The following COG7 variants were observed in gnomAD, a reference collection of about 807,000 sequenced individuals.
The protein encoded by COG7 is component of oligomeric golgi complex 7.
Under a neutral mutation model 91.5 loss-of-function variants are expected in COG7, and 49 were observed. That is an observed-to-expected ratio of 0.54 (90% confidence interval 0.43 to 0.68). The LOEUF (loss-of-function observed/expected upper bound fraction) is 0.68. Ranked by LOEUF, COG7 falls within the 30% of genes least tolerant of loss-of-function variation. COG7 has a pLI of 0.00. For missense variants in COG7, 895 were observed against 961.3 expected (o/e 0.93, Z 0.91); for synonymous variants, 365 against 388.7 (o/e 0.94, Z 0.72).
At position 23,424,831 on chromosome 16, in the gene COG7, C is replaced by T; in HGVS notation, c.927G>A (p.Gln309=). The T allele has an allele frequency of 6.2e-7, 1 of 1,614,234 alleles. No homozygotes were observed. Among genetic ancestry groups the T allele is most frequent in the Non-Finnish European group, 8.5e-7 (1 of 1,180,048 alleles). The change falls in exon 7 of 17, where the codon CAG becomes CAA. Residue 309 remains glutamine (Q), a synonymous_variant. Transcript: ENST00000307149. ...SNGVERAGPE[Q]ELTRLLEFYD... ...AGAACTCCAGCAGCCTGGTGAGCTC[C>T]TGCTCGGGCCCTGCCCTCTCCACGC...
At chr16:23,407,041 G>T (rs1188328788) in intron 11 of COG7, among the ~76,000 whole-genome samples, 2 of 152,160 alleles carry the variant, frequency 1.3e-5, no homozygotes, top group African/African-American at 4.8e-5. Flanking sequence ...CCCAAATGTG[G>T]CTAATTCCCT....
intron 16 of COG7, chr16:23,392,123 T>C: frequency 2.9e-6 from 4 of 1,374,304 alleles, no homozygotes; most frequent in South Asian, 1.5e-5. Context: ...CGCTGAATCT[T>C]ATCTCACTGA....
chr16:23,434,954 TG>T (rs777363957), intron 4 of COG7, among the ~76,000 whole-genome samples: 10 of 152,220 alleles, frequency 6.6e-5, no homozygotes, highest in Non-Finnish European at 1.5e-4. Context: ...AACATGATAC[TG>T]AGAGGTTATT....
chr16:23,419,222 A>G (rs1412092673), intron 7 of COG7, among the ~76,000 whole-genome samples: 2 of 152,102 alleles, frequency 1.3e-5, no homozygotes, highest in Non-Finnish European at 2.9e-5. Context: ...CTTGACCAAC[A>G]TGGAGAAACC....
Position 23,410,275 on chromosome 16 carries a change from C to A in COG7, c.1475+20G>T. Reference sequence around the variant, plus strand: ...ATCAGGAACCCCAGGGTGTAGAGGACAATGACTCCTCTCTCCTACCTGTTG... The same window carrying A: ...ATCAGGAACCCCAGGGTGTAGAGGAAAATGACTCCTCTCTCCTACCTGTTG... On this transcript the variant is annotated intron_variant, in intron 11 of 16. Transcript: ENST00000307149. 1 of 1,606,486 alleles carries A rather than the reference C, an allele frequency of 6.2e-7. No homozygotes were observed. The highest frequency in any genetic ancestry group is 1.1e-5 in the South Asian group (1 of 90,704).
At position 23,400,639 on chromosome 16, in the gene COG7, C is replaced by T. The variant is rs1358385660; in HGVS notation, c.1804-2510G>A. ...GAGTGGGAAAGAAGTTTGGAAGAAG[C>T]GCAAGACAGAGTGGCTTGAAATAGG... On this transcript the variant is annotated intron_variant, in intron 13 of 16. Coordinates refer to ENST00000307149, the MANE Select transcript of COG7 (RefSeq NM_153603.4). Among the ~76,000 whole-genome samples, 23 of 152,080 alleles carry T rather than the reference C, an allele frequency of 1.5e-4. 1 individual carries two copies. Among genetic ancestry groups the T allele is most frequent in the Admixed American group, 1.2e-3 (18 of 15,266 alleles).
intron 4 of COG7, chr16:23,442,042 GAC>G (rs1353349918): frequency 5.8e-6 from 1 of 172,216 alleles, no homozygotes; most frequent in African/African-American, 2.4e-5. Context: ...GCAATAGAAA[GAC>G]ACTCCTGGCC....
chr16:23,409,095 ATG>A (rs111405261), intron 11 of COG7, among the ~76,000 whole-genome samples: 263 of 132,082 alleles, frequency 2.0e-3, no homozygotes, highest in Admixed American at 3.0e-3. Flanking sequence ...GTGTGCGTGC[ATG>A]TGTGTGTGTG....
Position 23,393,326 on chromosome 16 carries a change from G to A in COG7, c.1909C>T (p.Leu637Phe). ...ISNIGQYIMS[L>F]PLNLEPFVTQ... ...ACAAATGGCTCAAGATTCAGGGGGAGGGACATGATGTACTGCCCGATCTGA... is the reference window on the plus strand; with the variant it reads ...ACAAATGGCTCAAGATTCAGGGGGAAGGACATGATGTACTGCCCGATCTGA... Residue 637 changes from leucine (L) to phenylalanine (F), a missense_variant, in exon 15 of 17, where the codon CTC (leucine) becomes TTC (phenylalanine). Transcript: ENST00000307149. 2.5e-6 allele frequency: 4 copies of A among 1,613,930 alleles called. No individual in the cohort carries two copies. Among genetic ancestry groups the A allele is most frequent in the Non-Finnish European group, 3.4e-6 (4 of 1,179,808 alleles).
In COG7 at chr16:23,392,516, T is replaced by C. The variant is rs1295332111; in HGVS notation, c.2010A>G (p.Glu670=). Residue 670 remains glutamate, a synonymous_variant, in exon 16 of 17, where the codon GAA becomes GAG. Transcript: ENST00000307149. ...CAGCCATGTTGTCCAGCTCGGGCAA[T>C]TCATCCCCTGAAAAGAAAAGGAGGT... ...KLPFPPEQGD[E]LPELDNMADN... is the part of the protein sequence containing the mutation. The C allele has an allele frequency of 1.2e-6, 2 of 1,614,002 alleles. No individual in the cohort carries two copies. The highest frequency in any genetic ancestry group is 2.7e-5 in the African/African-American group (2 of 74,910).
In COG7 at chr16:23,405,895, G is replaced by T. The variant is rs575369451; in HGVS notation, c.1662+181C>A. On this transcript the variant is annotated intron_variant, in intron 12 of 16. Coordinates refer to ENST00000307149, the MANE Select transcript of COG7 (RefSeq NM_153603.4). ...TAACCTCTACATCTGTATCTCAATG[G>T]GTTTCAAGTTTAATATCTTAGCTCC... 2.0e-5 allele frequency among the ~76,000 whole-genome samples: 3 copies of T among 152,202 alleles called. No individual in the cohort carries two copies. In the South Asian group the frequency reaches 6.2e-4, roughly 32 times the overall value.
rs963695398 is a variant in COG7 at position 23,434,565 on chromosome 16, C to G, written c.687+71G>C. Reference sequence around the variant, plus strand: ...ATGTTCTTACCTTCTGAATTATGAACCTGCGATTCTGTGACCCAGAGTTAT... The same window carrying G: ...ATGTTCTTACCTTCTGAATTATGAAGCTGCGATTCTGTGACCCAGAGTTAT... On this transcript the variant is annotated intron_variant, in intron 5 of 16. Transcript: ENST00000307149. The G allele has an allele frequency of 7.0e-6, 8 of 1,149,190 alleles. No homozygotes were observed. In the Admixed American group the frequency reaches 1.4e-4, roughly 20 times the overall value. The allele number at this position is 1,149,190 out of a possible 1,614,324, so 71.2% of individuals were successfully genotyped here.
chr16:23,410,221 G>C (rs149330677), intron 11 of COG7, 74 bp downstream of exon 11: 80 of 1,206,158 alleles, frequency 6.6e-5, no homozygotes, highest in Non-Finnish European at 8.6e-5. Flanking sequence ...TGTCCTTGCT[G>C]TACTGTGTAC....
chr16:23,442,179 C>T (rs920877621), intron 4 of COG7, among the ~76,000 whole-genome samples: 1 of 151,852 alleles, frequency 6.6e-6, no homozygotes, highest in Non-Finnish European at 1.5e-5. Context: ...ATTCAAAATA[C>T]AAAAATTACC....
intron 7 of COG7, among the ~76,000 whole-genome samples, chr16:23,421,616 G>C (rs1340852965): frequency 6.6e-6 from 1 of 151,930 alleles, no homozygotes; most frequent in Non-Finnish European, 1.5e-5. Context: ...TGGCATATCA[G>C]TAATTGTCTA....
At chr16:23,450,653 C>T (rs893369499) in intron 1 of COG7, among the ~76,000 whole-genome samples, 3 of 151,798 alleles carry the variant, frequency 2.0e-5, no homozygotes, top group Non-Finnish European at 2.9e-5. Context: ...CATAGTGAGA[C>T]CCCATCTCTA....
In COG7 at chr16:23,403,759, G is replaced by C. The variant is rs1211544455; in HGVS notation, c.1738C>G (p.Gln580Glu). Reference protein sequence around the residue: ...ALTRLNQQAHQLAFDSVFLRI... With the variant: ...ALTRLNQQAHELAFDSVFLRI... ...AGGAACACGGAATCGAAAGCCAGCT[G>C]GTGGGCCTGCTGGTTAAGCCGAGTC... The change falls in exon 13 of 17, where the codon CAG becomes GAG. Residue 580 changes from glutamine to glutamate, a missense_variant. By Grantham distance (29) the Gln-to-Glu change is conservative. Coordinates refer to ENST00000307149, the MANE Select transcript of COG7 (RefSeq NM_153603.4). The C allele has an allele frequency of 5.0e-6, 8 of 1,614,088 alleles. No individual in the cohort carries two copies. Among genetic ancestry groups the C allele is most frequent in the Non-Finnish European group, 6.8e-6 (8 of 1,180,036 alleles).
intron 11 of COG7, among the ~76,000 whole-genome samples, chr16:23,409,326 G>C (rs111418772): frequency 1.3e-5 from 2 of 152,066 alleles, no homozygotes; most frequent in Non-Finnish European, 2.9e-5. Flanking sequence ...TGTGATTTAC[G>C]GGCTGAGTAA....
chr16:23,413,382 T>C (rs1203453928), intron 10 of COG7, 66 bp downstream of exon 10: 14 of 879,390 alleles, frequency 1.6e-5, no homozygotes, highest in Non-Finnish European at 2.0e-6. Flanking sequence ...CATTTTTATA[T>C]ACTATATCAT....
Sources: gnomAD v4.1 joint callset for allele counts (sites outside exome capture counted in the v4.1 genomes callset) on GRCh38, gnomAD v4.1.1 for gene constraint, MANE v1.5 for transcripts, NCBI Gene and HGNC (gene_info 2026-07-23, HGNC 2026-07-21) for gene names.